TADA1: variants seen among roughly 807,000 people sequenced by gnomAD.
TADA1 encodes transcriptional adapter 1.
A neutral mutation model predicts 39.3 loss-of-function variants in TADA1; 23 were observed. The ratio of observed to expected loss-of-function variants is 0.58; its 90% CI spans 0.42 to 0.83. The LOEUF is 0.83. Among genes scored for constraint, TADA1 ranks in the 40% least tolerant of loss-of-function variants. The pLI is 0.00. For synonymous variants in TADA1, 137 were observed against 151.8 expected (o/e 0.90, Z 0.72); for missense variants, 352 against 408.1 (o/e 0.86, Z 1.18).
At chr1:166,860,089 C>A (rs1231771493) in intron 6 of TADA1, 97 bp downstream of exon 6, 3 of 1,283,452 alleles carry the variant, frequency 2.3e-6, no homozygotes, top group Admixed American at 2.5e-5. Flanking sequence ...GGTACTTAAA[C>A]CTATGAAAAC....
chr1:166,870,905 AT>A (rs1490656816), intron 1 of TADA1, among the ~76,000 whole-genome samples: 2 of 152,198 alleles, frequency 1.3e-5, no homozygotes, highest in African/African-American at 4.8e-5. Flanking sequence ...TATTATAGCT[AT>A]ACCCTTGTTT....
intron 1 of TADA1, among the ~76,000 whole-genome samples, chr1:166,875,798 G>C (rs896435845): frequency 5.9e-5 from 9 of 152,234 alleles, no homozygotes; most frequent in African/African-American, 9.6e-5. Flanking sequence ...TGGACGCGTA[G>C]GGCTCCGGCT....
At chr1:166,862,849 G>C (rs1305956878) in intron 4 of TADA1, 1 of 185,046 alleles carries the variant, frequency 5.4e-6, no homozygotes, top group Non-Finnish European at 1.1e-5. Flanking sequence ...GGCAGATCTA[G>C]TAACAAATAT....
rs996387617 is a variant in TADA1, at chr1:166,857,380, T to C, written c.*187A>G. ...CTGGGAACACATACATATAGAGATA[T>C]GGGTCATTACCAAAGATTTATATTA... is the stretch of plus-strand genomic sequence containing the variant. On this transcript the variant is annotated 3_prime_UTR_variant, in exon 8 of 8. Transcript: ENST00000367874. 9.3e-6 allele frequency: 6 copies of C among 643,628 alleles called. No individual in the cohort carries two copies. The highest frequency in any genetic ancestry group is 2.1e-5 in the South Asian group (1 of 48,236). 39.9% of individuals were successfully genotyped at this position (643,628 alleles called of 1,614,324 possible).
At position 166,857,843 on chromosome 1, in the gene TADA1, T is replaced by C. The variant is rs1036986316; in HGVS notation, c.856-124A>G. The C allele has an allele frequency of 7.1e-5, 78 of 1,100,076 alleles. No homozygotes were observed. The East Asian group carries it at 1.9e-3, about 27-fold the overall frequency. The allele number at this position is 1,100,076 out of a possible 1,614,324, so 68.1% of individuals were successfully genotyped here. A position where few individuals can be genotyped will look rare whatever the true frequency, so the allele number is the denominator to read the frequency against. ...ATAAACTTTCAGTCATACACTAAAA[T>C]GAATCACCAATTGGATAATAATAAG... On this transcript the variant is annotated intron_variant, in intron 7 of 7. Coordinates refer to ENST00000367874, the MANE Select transcript of TADA1 (RefSeq NM_053053.4).
chr1:166,861,207 AACTCGTCCCAGGCT>A (rs1475184496), intron 5 of TADA1, among the ~76,000 whole-genome samples: 1 of 152,184 alleles, frequency 6.6e-6, no homozygotes, highest in African/African-American at 2.4e-5. Context: ...AGAGTGACAG[AACTCGTCCCAGGCT>A]ACCATTATTA....
At chr1:166,859,632 C>G (rs10918586) in intron 6 of TADA1, among the ~76,000 whole-genome samples, 57,297 of 151,786 alleles carry the variant, frequency 0.38, 10,975 homozygotes, top group Middle Eastern at 0.5. Context: ...AATGGGAAGA[C>G]GACACAGGAA....
chr1:166,864,648 G>C (rs1303333117), intron 3 of TADA1, among the ~76,000 whole-genome samples: 2 of 152,172 alleles, frequency 1.3e-5, no homozygotes, highest in Non-Finnish European at 2.9e-5. Context: ...AAAGTGCTGG[G>C]CCTCGTGTTT....
At chr1:166,859,844 AAGC>A (rs1658366927) in intron 6 of TADA1, among the ~76,000 whole-genome samples, 1 of 151,712 alleles carries the variant, frequency 6.6e-6, no homozygotes, top group African/African-American at 2.4e-5. Flanking sequence ...CTCTAACTGA[AAGC>A]AGGCTCACTT....
At chr1:166,860,115 A>G in intron 6 of TADA1, 71 bp downstream of exon 6, 1 of 1,425,142 alleles carries the variant, frequency 7.0e-7, no homozygotes. Context: ...CAATTATTTA[A>G]CAATGGTCTA....
chr1:166,859,818 C>T (rs1013454085), intron 6 of TADA1, among the ~76,000 whole-genome samples: 5 of 151,970 alleles, frequency 3.3e-5, no homozygotes, highest in African/African-American at 1.2e-4. Context: ...TGTGACCCAA[C>T]AATCACAGGC....
intron 4 of TADA1, chr1:166,863,313 T>A (rs1447137012): frequency 2.5e-5 from 4 of 157,502 alleles, no homozygotes; most frequent in Admixed American, 2.5e-4. Flanking sequence ...CAATACCCCA[T>A]AAACCTATAA....
chr1:166,868,874 T>C (rs1658595114), intron 3 of TADA1: 1 of 175,406 alleles, frequency 5.7e-6, no homozygotes. Context: ...GACTTGGACA[T>C]GCCTAGGATT....
chr1:166,875,221 T>G (rs1464534840), intron 1 of TADA1, among the ~76,000 whole-genome samples: 1 of 152,242 alleles, frequency 6.6e-6, no homozygotes, highest in African/African-American at 2.4e-5. Context: ...AATAAAGTTG[T>G]AATAACAACG....
At chr1:166,864,522 G>C (rs1431572816) in intron 3 of TADA1, among the ~76,000 whole-genome samples, 1 of 152,190 alleles carries the variant, frequency 6.6e-6, no homozygotes, top group African/African-American at 2.4e-5. Context: ...ATGTGAGTGA[G>C]TGGAAACCAG....
intron 1 of TADA1, among the ~76,000 whole-genome samples, chr1:166,875,556 A>C (rs776736802): frequency 3.9e-5 from 6 of 152,270 alleles, no homozygotes; most frequent in Non-Finnish European, 8.8e-5. Context: ...ATCTGTTGTA[A>C]GGATTAGATA....
chr1:166,862,185 TG>T lies in TADA1; in HGVS notation c.540+17del, dbSNP rs1273096417. On this transcript the variant is annotated intron_variant, in intron 5 of 7. Coordinates refer to ENST00000367874, the MANE Select transcript of TADA1 (RefSeq NM_053053.4). ...CACATTCAACCTGTAAGATTATTTC[TG>T]CCAACAGCAAACCAACCTCCACAGC... The T allele has an allele frequency of 6.2e-7, 1 of 1,611,772 alleles. No individual in the cohort carries two copies. Among genetic ancestry groups the T allele is most frequent in the East Asian group, 2.2e-5 (1 of 44,896 alleles).
At chr1:166,857,787 G>C in intron 7 of TADA1, 68 bp from the exon 8 acceptor site, 1 of 1,510,916 alleles carries the variant, frequency 6.6e-7, no homozygotes, top group Non-Finnish European at 9.0e-7. Context: ...CATATAAAAG[G>C]GTTTATATCA....
chr1:166,875,802 T>G (rs569327692), intron 1 of TADA1, among the ~76,000 whole-genome samples: 2 of 152,284 alleles, frequency 1.3e-5, no homozygotes, highest in Admixed American at 6.5e-5. Context: ...CGCGTAGGGC[T>G]CCGGCTCACT....
Sources: gnomAD v4.1 joint callset for allele counts (sites outside exome capture counted in the v4.1 genomes callset) on GRCh38, gnomAD v4.1.1 for gene constraint, MANE v1.5 for transcripts, NCBI Gene and HGNC (gene_info 2026-07-23, HGNC 2026-07-21) for gene names.